The following PLCB4 variants were observed in gnomAD, a reference collection of about 807,000 sequenced individuals.
PLCB4 encodes the protein 1-phosphatidylinositol 4,5-bisphosphate phosphodiesterase beta-4.
In PLCB4, 77 loss-of-function variants were observed where a neutral mutation model predicts 178.8. That is an observed-to-expected ratio of 0.43 (90% CI 0.36 to 0.52). The LOEUF (loss-of-function observed/expected upper bound fraction) is 0.52, where lower values mean the gene tolerates loss of function less well. PLCB4 is among the 20% of genes least tolerant of loss of function. The pLI is 0.00. For synonymous variants in PLCB4, 496 were observed against 490.8 expected, an observed-to-expected ratio of 1.01 and a Z score of -0.14; for missense variants, 1,024 against 1,453.4, an observed-to-expected ratio of 0.70 and a Z score of 4.80.
chr20:9,197,905 G>A (rs371866648), intron 2 of PLCB4, among the ~76,000 whole-genome samples: 41 of 152,256 alleles, frequency 2.7e-4, no homozygotes, highest in African/African-American at 8.7e-4. Flanking sequence ...AACCTGGGAG[G>A]CAGAGGTTGC....
chr20:9,101,144 G>A (rs571187976), intron 2 of PLCB4, among the ~76,000 whole-genome samples: 1 of 152,274 alleles, frequency 6.6e-6, no homozygotes, highest in Non-Finnish European at 1.5e-5. Flanking sequence ...ATGGTGTGAA[G>A]CAGCCGCCCA....
intron 2 of PLCB4, among the ~76,000 whole-genome samples, chr20:9,198,065 A>G (rs1483858399): frequency 6.6e-6 from 1 of 152,240 alleles, no homozygotes; most frequent in African/African-American, 2.4e-5. Flanking sequence ...TCATTTCTCA[A>G]CAAAAGGACT....
At chr20:9,081,075 C>T (rs2090121641) in intron 1 of PLCB4, among the ~76,000 whole-genome samples, 1 of 152,104 alleles carries the variant, frequency 6.6e-6, no homozygotes. Context: ...CTTATCTGTG[C>T]CTCCATTCAT....
chr20:9,239,882 C>G (rs2094038092), intron 3 of PLCB4, among the ~76,000 whole-genome samples: 1 of 152,130 alleles, frequency 6.6e-6, no homozygotes, highest in Non-Finnish European at 1.5e-5. Flanking sequence ...AACTTGGAGT[C>G]CAGTGTTCAA....
At chr20:9,359,276 G>T (rs1181999127) in intron 7 of PLCB4, among the ~76,000 whole-genome samples, 1 of 152,126 alleles carries the variant, frequency 6.6e-6, no homozygotes, top group African/African-American at 2.4e-5. Context: ...CTGGAAGTTG[G>T]ACAGGGCCTG....
At chr20:9,275,682 G>A (rs1475407189) in intron 3 of PLCB4, among the ~76,000 whole-genome samples, 1 of 151,998 alleles carries the variant, frequency 6.6e-6, no homozygotes, top group Non-Finnish European at 1.5e-5. Flanking sequence ...AACTAATTCT[G>A]TTCTACTGAA....
At chr20:9,142,041 G>C (rs1334240141) in intron 2 of PLCB4, among the ~76,000 whole-genome samples, 2 of 152,060 alleles carry the variant, frequency 1.3e-5, no homozygotes, top group African/African-American at 2.4e-5. Flanking sequence ...TTGGAGGCCA[G>C]GTGCAGAGGT....
chr20:9,345,981 C>T (rs1179280261), intron 7 of PLCB4, among the ~76,000 whole-genome samples: 1 of 152,096 alleles, frequency 6.6e-6, no homozygotes, highest in African/African-American at 2.4e-5. Flanking sequence ...AATTGATTCT[C>T]TATTTAAATT....
At chr20:9,070,670 A>G (rs543937399) in intron 1 of PLCB4, among the ~76,000 whole-genome samples, 14 of 152,326 alleles carry the variant, frequency 9.2e-5, no homozygotes, top group African/African-American at 2.9e-4. Flanking sequence ...TTGAAATGGC[A>G]AAACATTTTT....
intron 37 of PLCB4, among the ~76,000 whole-genome samples, 178 bp from the exon 38 acceptor site, chr20:9,473,101 G>T (rs1406969380): frequency 1.3e-5 from 2 of 152,070 alleles, no homozygotes; most frequent in African/African-American, 4.8e-5. Flanking sequence ...TAAGATTTTA[G>T]CAGGAAAGAT....
At chr20:9,374,785 C>G (rs909392244) in intron 12 of PLCB4, among the ~76,000 whole-genome samples, 2 of 152,138 alleles carry the variant, frequency 1.3e-5, no homozygotes, top group African/African-American at 4.8e-5. Context: ...ACAGTCACTC[C>G]TGTAATTCTT....
intron 3 of PLCB4, among the ~76,000 whole-genome samples, chr20:9,277,096 T>A (rs966061267): frequency 6.6e-6 from 1 of 152,104 alleles, no homozygotes; most frequent in African/African-American, 2.4e-5. Flanking sequence ...CTTCTCCACC[T>A]ACTGCCGCTA....
intron 35 of PLCB4, among the ~76,000 whole-genome samples, chr20:9,461,126 T>C (rs2043364507): frequency 6.6e-6 from 1 of 152,222 alleles, no homozygotes; most frequent in African/African-American, 2.4e-5. Context: ...TCTAATCTTC[T>C]TTTACATTGT....
At chr20:9,177,201 A>G (rs1398802190) in intron 2 of PLCB4, among the ~76,000 whole-genome samples, 1 of 152,154 alleles carries the variant, frequency 6.6e-6, no homozygotes, top group East Asian at 1.9e-4. Flanking sequence ...TAGAAATAAA[A>G]GCAGCATGTT....
intron 20 of PLCB4, 80 bp downstream of exon 20, chr20:9,401,670 G>A: frequency 2.3e-6 from 2 of 888,740 alleles, no homozygotes; most frequent in South Asian, 2.8e-5. Context: ...AGAACCACAA[G>A]AGAATAAAGT....
chr20:9,294,568 T>C (rs970521052), intron 3 of PLCB4, among the ~76,000 whole-genome samples: 1 of 152,186 alleles, frequency 6.6e-6, no homozygotes, highest in Non-Finnish European at 1.5e-5. Context: ...CAAGCTTTAG[T>C]TCCGAATACC....
chr20:9,118,312 A>AC lies in PLCB4; in HGVS notation c.-79+21970_-79+21971insC, dbSNP rs919548075. Among the ~76,000 whole-genome samples, 28 of 149,492 alleles carry AC rather than the reference A, an allele frequency of 1.9e-4. No homozygotes were observed. In the East Asian group the frequency reaches 3.4e-3, roughly 18 times the overall value. On this transcript the variant is annotated intron_variant, in intron 2 of 39. Transcript: ENST00000378473. ...AACTTAAAGTATAATAATAAAAAAAAAACAACAAAGTGCTTATAAAATATG... is the reference window on the plus strand; with the variant it reads ...AACTTAAAGTATAATAATAAAAAAAACAACAACAAAGTGCTTATAAAATATG...
Position 9,362,924 on chromosome 20 carries a change from T to A in PLCB4, c.398T>A (p.Ile133Lys), listed in dbSNP as rs1421969761. ...KQWVEGLRSIIHNFRANNVSP... is the reference protein window; with the variant it reads ...KQWVEGLRSIKHNFRANNVSP... ...TGGGTAGAAGGCCTGAGATCAATCA[T>A]ACACAACTTCAGGGCCAACAACGTC... Residue 133 changes from isoleucine (I) to lysine (K), a missense_variant, in exon 8 of 40, where the codon ATA becomes AAA. By Grantham distance (102) the Ile-to-Lys change is moderately radical (BLOSUM62 -3). This residue lies in a region of PLCB4 where 225 missense variants were observed against 291.0 expected (regional missense o/e 0.77). Coordinates refer to ENST00000378473, the MANE Select transcript of PLCB4 (RefSeq NM_001377142.1). The A allele has an allele frequency of 6.2e-7, 1 of 1,613,014 alleles. No individual in the cohort carries two copies. The highest frequency in any genetic ancestry group is 8.5e-7 in the Non-Finnish European group (1 of 1,179,044).
intron 26 of PLCB4, among the ~76,000 whole-genome samples, chr20:9,420,445 C>T (rs2040552394): frequency 6.6e-6 from 1 of 152,004 alleles, no homozygotes; most frequent in Non-Finnish European, 1.5e-5. Context: ...TCAAGTGATT[C>T]TCCTGCACCT....
Sources: gnomAD v4.1 joint callset for allele counts (sites outside exome capture counted in the v4.1 genomes callset) on GRCh38, gnomAD v4.1.1 for gene constraint, gnomAD v4.1.1 regional missense constraint, MANE v1.5 for transcripts, NCBI Gene and HGNC (gene_info 2026-07-23, HGNC 2026-07-21) for gene names.